The following HIPK2 variants were observed in gnomAD, a reference collection of about 807,000 sequenced individuals.
HIPK2 encodes the protein homeodomain-interacting protein kinase 2.
A neutral mutation model predicts 113.7 loss-of-function variants in HIPK2; 27 were observed. The observed-to-expected ratio is 0.24, with a 90% CI of 0.17 to 0.33. The LOEUF is 0.33. Among genes scored for constraint, HIPK2 ranks in the 10% least tolerant of loss-of-function variants. HIPK2 has a pLI of 1.00. For synonymous variants in HIPK2, 631 were observed against 642.2 expected (o/e 0.98, Z 0.26); for missense variants, 1,257 against 1,588.0 (o/e 0.79, Z 3.54).
Position 139,648,773 on chromosome 7 carries a change from G to A in HIPK2, c.1104-17048C>T, listed in dbSNP as rs1403056133. On this transcript the variant is annotated intron_variant, in intron 2 of 14. Transcript: ENST00000406875. The stretch of plus-strand genomic sequence containing the variant: ...GCAGTGGAGGGCGGAGCAGAAGGAG[G>A]GAGAGGGTGCTGCGGGTTTTTTTTT... Among the ~76,000 whole-genome samples, 3 of 151,984 alleles carry A rather than the reference G, an allele frequency of 2.0e-5. No homozygotes were observed. The East Asian group carries it at 5.8e-4, about 29-fold the overall frequency.
chr7:139,767,609 A>G (rs1585467585), intron 1 of HIPK2, among the ~76,000 whole-genome samples: 1 of 152,244 alleles, frequency 6.6e-6, no homozygotes, highest in Admixed American at 6.5e-5. Flanking sequence ...AGGTTTCACC[A>G]GCAGAAGGAA....
In HIPK2 at chr7:139,570,010, G is replaced by C. The variant is rs1013014211; in HGVS notation, c.*2917C>G. ...AAAGGAAAGAAAATGTCAGGTGAAA[G>C]AGTAAGTAGCCTCCAACTTAAGCAG... On this transcript the variant is annotated 3_prime_UTR_variant, in exon 15 of 15. Coordinates refer to ENST00000406875, the MANE Select transcript of HIPK2 (RefSeq NM_022740.5). 4.6e-5 allele frequency: 7 copies of C among 152,316 alleles called. No individual in the cohort carries two copies. The highest frequency in any genetic ancestry group is 1.0e-4 in the Non-Finnish European group (7 of 68,008). 9.4% of individuals were successfully genotyped at this position (152,316 alleles called of 1,614,324 possible).
chr7:139,626,823 C>T (rs1800448713), intron 5 of HIPK2, 38 bp from the exon 6 acceptor site: 5 of 1,609,396 alleles, frequency 3.1e-6, no homozygotes, highest in Non-Finnish European at 4.3e-6. Context: ...AGGAAGACCC[C>T]AGCGTGCCTC....
intron 2 of HIPK2, among the ~76,000 whole-genome samples, chr7:139,670,226 G>A (rs1383743710): frequency 1.3e-5 from 2 of 152,140 alleles, no homozygotes; most frequent in Non-Finnish European, 2.9e-5. Context: ...CAGACTCAAA[G>A]AGTCCCCCTG....
At chr7:139,721,304 T>G (rs1308774306) in intron 1 of HIPK2, among the ~76,000 whole-genome samples, 1 of 152,272 alleles carries the variant, frequency 6.6e-6, no homozygotes, top group Non-Finnish European at 1.5e-5. Flanking sequence ...AATAAGACAC[T>G]GCTGGTGGTT....
At chr7:139,639,737 G>T (rs541789243) in intron 2 of HIPK2, among the ~76,000 whole-genome samples, 2 of 152,240 alleles carry the variant, frequency 1.3e-5, no homozygotes, top group African/African-American at 4.8e-5. Context: ...ACGCAGCCTG[G>T]GCATGTAGGT....
intron 1 of HIPK2, among the ~76,000 whole-genome samples, chr7:139,759,643 T>C (rs896384201): frequency 1.3e-5 from 2 of 152,196 alleles, no homozygotes; most frequent in Non-Finnish European, 2.9e-5. Flanking sequence ...TTCCAGAATG[T>C]ATTATTAAGA....
intron 2 of HIPK2, among the ~76,000 whole-genome samples, chr7:139,634,800 T>C (rs1800752772): frequency 6.6e-6 from 1 of 150,998 alleles, no homozygotes. Flanking sequence ...GCCTCAGCCT[T>C]CCAGGTAGCT....
At chr7:139,748,139 C>T (rs1011131151) in intron 1 of HIPK2, among the ~76,000 whole-genome samples, 5 of 152,252 alleles carry the variant, frequency 3.3e-5, no homozygotes, top group Admixed American at 1.3e-4. Context: ...GTCACCTCCA[C>T]GCAATGACCT....
intron 1 of HIPK2, among the ~76,000 whole-genome samples, chr7:139,768,126 A>G (rs896547530): frequency 3.3e-5 from 5 of 152,248 alleles, no homozygotes; most frequent in Non-Finnish European, 5.9e-5. Flanking sequence ...CACACAGACC[A>G]GGAGTAGAGA....
intron 1 of HIPK2, among the ~76,000 whole-genome samples, chr7:139,755,217 C>T (rs1796344015): frequency 6.6e-6 from 1 of 152,178 alleles, no homozygotes; most frequent in South Asian, 2.1e-4. Context: ...AAGAGATGCT[C>T]TTTTTCCCAT....
chr7:139,597,099 T>G, intron 11 of HIPK2, 101 bp from the exon 12 acceptor site: 4 of 1,291,148 alleles, frequency 3.1e-6, no homozygotes, highest in South Asian at 1.4e-5. Flanking sequence ...GCCAAATCTC[T>G]GTAAAACACG....
chr7:139,715,661 G>C (rs975358487), intron 2 of HIPK2, among the ~76,000 whole-genome samples: 8 of 152,292 alleles, frequency 5.3e-5, no homozygotes, highest in African/African-American at 1.9e-4. Flanking sequence ...CATCCGGGAG[G>C]ACGGAACTCT....
intron 1 of HIPK2, among the ~76,000 whole-genome samples, chr7:139,748,056 G>A (rs1408286390): frequency 6.6e-6 from 1 of 151,968 alleles, no homozygotes; most frequent in African/African-American, 2.4e-5. Context: ...GTCACTTTGT[G>A]GTCTTGAAGA....
chr7:139,674,150 A>G (rs944505430), intron 2 of HIPK2, among the ~76,000 whole-genome samples: 1 of 152,102 alleles, frequency 6.6e-6, no homozygotes, highest in Non-Finnish European at 1.5e-5. Flanking sequence ...AATATATAAA[A>G]AAGACGGTGC....
At position 139,572,894 on chromosome 7, in the gene HIPK2, T is replaced by TGCCAGC; in HGVS notation, c.*32_*33insGCTGGC. The stretch of plus-strand genomic sequence containing the variant: ...CTCCCTCCTCCCTCGGGCCATTCTC[T>TGCCAGC]CCCTCCCTCCCTCCCTCCCTCCCCT... On this transcript the variant is annotated 3_prime_UTR_variant, in exon 15 of 15. Coordinates refer to ENST00000406875, the MANE Select transcript of HIPK2 (RefSeq NM_022740.5). The TGCCAGC allele has an allele frequency of 1.8e-6, 1 of 554,278 alleles. No individual in the cohort carries two copies. Among genetic ancestry groups the TGCCAGC allele is most frequent in the Non-Finnish European group, 3.3e-6 (1 of 302,510 alleles). The allele number at this position is 554,278 out of a possible 1,614,324, so 34.3% of individuals were successfully genotyped here.
At chr7:139,598,885 G>A (rs1471258510) in intron 11 of HIPK2, among the ~76,000 whole-genome samples, 1 of 152,212 alleles carries the variant, frequency 6.6e-6, no homozygotes, top group Non-Finnish European at 1.5e-5. Context: ...AATGACATGG[G>A]TGAGCTGTCA....
chr7:139,643,916 C>A (rs1175242342), intron 2 of HIPK2, among the ~76,000 whole-genome samples: 1 of 152,190 alleles, frequency 6.6e-6, no homozygotes, highest in Non-Finnish European at 1.5e-5. Flanking sequence ...ATCCCCCAAT[C>A]TGGTCTCTGG....
rs1023596521 is a variant in HIPK2, at chr7:139,714,064, C to A, written c.1103+1868G>T. 6.6e-6 allele frequency among the ~76,000 whole-genome samples: 1 copy of A among 152,166 alleles called. No homozygotes were observed. Among genetic ancestry groups the A allele is most frequent in the African/African-American group, 2.4e-5 (1 of 41,430 alleles). On this transcript the variant is annotated intron_variant, in intron 2 of 14. Transcript: ENST00000406875. The surrounding 1 kb of genome is among the most constrained non-coding windows in gnomAD (Gnocchi z 4.2). ...GGCCAGCGGGGCACAGAGTGGATGG[C>A]CTGGTCAGGACGAGGGAGTGGAGAG... is the stretch of plus-strand genomic sequence containing the variant.
Sources: allele counts gnomAD v4.1 joint callset (sites outside exome capture counted in the v4.1 genomes callset), GRCh38; gene constraint gnomAD v4.1.1; non-coding constraint Gnocchi (gnomAD v3.1); transcripts MANE v1.5; gene names NCBI Gene and HGNC (gene_info 2026-07-23, HGNC 2026-07-21).